MTUS2: variants seen among roughly 807,000 people sequenced by gnomAD.
MTUS2 encodes microtubule-associated tumor suppressor candidate 2.
Under a neutral mutation model 114.1 loss-of-function variants are expected in MTUS2, and 40 were observed. That is an observed-to-expected ratio of 0.35 (90% CI 0.27 to 0.46). MTUS2 has a LOEUF of 0.46. MTUS2 is among the 20% of genes least tolerant of loss of function. The pLI is 1.00. For missense variants in MTUS2, 1,679 were observed against 1,705.4 expected, an observed-to-expected ratio of 0.98 and a Z score of 0.27; for synonymous variants, 688 against 672.0, an observed-to-expected ratio of 1.02 and a Z score of -0.37.
intron 8 of MTUS2, among the ~76,000 whole-genome samples, chr13:29,409,041 T>C (rs1875013536): frequency 6.6e-6 from 1 of 152,190 alleles, no homozygotes; most frequent in Admixed American, 6.5e-5. Context: ...CACTTATAGC[T>C]GGGCATGGTG....
intron 5 of MTUS2, among the ~76,000 whole-genome samples, chr13:29,231,446 C>G (rs1896321880): frequency 6.6e-6 from 1 of 152,196 alleles, no homozygotes; most frequent in Non-Finnish European, 1.5e-5. Flanking sequence ...CTCACATCAG[C>G]TGTGATAGAA....
At chr13:28,921,769 G>A (rs1881053730) in intron 2 of MTUS2, among the ~76,000 whole-genome samples, 1 of 152,154 alleles carries the variant, frequency 6.6e-6, no homozygotes, top group African/African-American at 2.4e-5. Flanking sequence ...GTGTGTGGGT[G>A]CTAGCTGAGC....
At chr13:29,473,618 AT>A (rs943797628) in intron 9 of MTUS2, among the ~76,000 whole-genome samples, 3 of 152,174 alleles carry the variant, frequency 2.0e-5, no homozygotes, top group Non-Finnish European at 1.5e-5. Flanking sequence ...TATTTTAGGT[AT>A]TTTTATATCA....
intron 4 of MTUS2, among the ~76,000 whole-genome samples, chr13:29,100,318 T>G (rs573007107): frequency 1.3e-5 from 2 of 152,346 alleles, no homozygotes; most frequent in Admixed American, 6.5e-5. Context: ...TTCATAAGAC[T>G]TATTACAAAC....
At chr13:29,041,213 C>G (rs534823525) in intron 4 of MTUS2, among the ~76,000 whole-genome samples, 2 of 152,218 alleles carry the variant, frequency 1.3e-5, no homozygotes, top group East Asian at 1.9e-4. Context: ...TGTGCTTTCT[C>G]CAGTTTATGT....
intron 2 of MTUS2, among the ~76,000 whole-genome samples, chr13:28,850,433 A>G (rs1036782989): frequency 6.6e-6 from 1 of 152,210 alleles, no homozygotes; most frequent in African/African-American, 2.4e-5. Flanking sequence ...TTGGCCAGCG[A>G]CAGCCCTGCT....
intron 5 of MTUS2, among the ~76,000 whole-genome samples, chr13:29,112,514 G>C (rs1339486794): frequency 6.6e-6 from 1 of 152,198 alleles, no homozygotes; most frequent in Non-Finnish European, 1.5e-5. Context: ...GGAAGGTAAA[G>C]GTGGAGAGTG....
chr13:29,027,637 C>T (rs1886620439), intron 3 of MTUS2, among the ~76,000 whole-genome samples: 1 of 152,162 alleles, frequency 6.6e-6, no homozygotes, highest in African/African-American at 2.4e-5. Context: ...CTGGAAACTC[C>T]ACTTTCTGGG....
At chr13:29,111,861 G>C (rs1307001720) in intron 5 of MTUS2, among the ~76,000 whole-genome samples, 2 of 152,110 alleles carry the variant, frequency 1.3e-5, no homozygotes, top group African/African-American at 4.8e-5. Context: ...TAGCAGGAGA[G>C]AGTTAATGGG....
intron 2 of MTUS2, among the ~76,000 whole-genome samples, chr13:28,997,056 A>G (rs1338416563): frequency 2.0e-5 from 3 of 152,172 alleles, no homozygotes; most frequent in Non-Finnish European, 4.4e-5. Context: ...CCCTCCACAC[A>G]CTGCTTTGAA....
At position 28,903,661 on chromosome 13, in the gene MTUS2, C is replaced by A. The variant is rs554531633; in HGVS notation, c.-243+63811C>A. Among the ~76,000 whole-genome samples the A allele has an allele frequency of 9.5e-3, 1,436 of 151,924 alleles. 17 individuals carry two copies. The highest frequency in any genetic ancestry group is 0.015 in the Non-Finnish European group (1,042 of 67,964). ...GCCACATTTTCTTAATCCAGTCTAT[C>A]ATTGTTGGACATTTGGGTTGGTTCC... On this transcript the variant is annotated intron_variant, in intron 2 of 15. Transcript: ENST00000612955.
intron 5 of MTUS2, among the ~76,000 whole-genome samples, chr13:29,172,431 CTT>C (rs1316616543): frequency 6.6e-6 from 1 of 152,184 alleles, no homozygotes; most frequent in Non-Finnish European, 1.5e-5. Context: ...GAGAAGAAAA[CTT>C]TCCCAGCAAA....
chr13:29,397,236 C>G (rs1279400379), intron 8 of MTUS2, among the ~76,000 whole-genome samples: 1 of 152,190 alleles, frequency 6.6e-6, no homozygotes, highest in Non-Finnish European at 1.5e-5. Flanking sequence ...CTGTCTTAAC[C>G]CAGACCTGCC....
intron 8 of MTUS2, among the ~76,000 whole-genome samples, chr13:29,385,151 G>A (rs1872548889): frequency 6.6e-6 from 1 of 152,198 alleles, no homozygotes; most frequent in African/African-American, 2.4e-5. Flanking sequence ...TCATAAGGCT[G>A]GCTGAAAATG....
intron 5 of MTUS2, among the ~76,000 whole-genome samples, chr13:29,262,744 G>T (rs1434649252): frequency 2.0e-5 from 3 of 152,092 alleles, no homozygotes. Flanking sequence ...TCATTTGCTT[G>T]AATTGTTCAT....
intron 6 of MTUS2, among the ~76,000 whole-genome samples, chr13:29,320,865 G>A (rs1900223707): frequency 6.6e-6 from 1 of 152,178 alleles, no homozygotes; most frequent in Non-Finnish European, 1.5e-5. Flanking sequence ...GCCAGACTTA[G>A]GAGCTACTGA....
At chr13:29,339,509 G>C (rs190167486) in intron 7 of MTUS2, 2 of 153,206 alleles carry the variant, frequency 1.3e-5, no homozygotes, top group East Asian at 1.9e-4. Flanking sequence ...TGGGGCCTGG[G>C]GGGAGGTGGC....
chr13:28,894,315 A>C (rs78211861), intron 2 of MTUS2, among the ~76,000 whole-genome samples: 1 of 2,746 alleles, frequency 3.6e-4, no homozygotes, highest in African/African-American at 1.3e-3. Flanking sequence ...GGGGGGGGGG[A>C]GGGAGGGAGG....
chr13:29,089,774 ATT>A (rs1889855707), intron 4 of MTUS2, among the ~76,000 whole-genome samples: 1 of 151,996 alleles, frequency 6.6e-6, no homozygotes, highest in Admixed American at 6.5e-5. Context: ...CCTGTAGTGA[ATT>A]TTTCATTTCT....
Sources: gnomAD v4.1 joint callset for allele counts (sites outside exome capture counted in the v4.1 genomes callset) on GRCh38, gnomAD v4.1.1 for gene constraint, MANE v1.5 for transcripts, NCBI Gene and HGNC (gene_info 2026-07-23, HGNC 2026-07-21) for gene names.